The following ADGRA3 variants were observed in gnomAD, a reference collection of about 807,000 sequenced individuals.
The protein encoded by ADGRA3 is G-protein coupled receptor 125.
Under a neutral mutation model 119.8 loss-of-function variants are expected in ADGRA3, and 56 were observed. The observed-to-expected ratio is 0.47, with a 90% confidence interval of 0.38 to 0.58. The LOEUF (loss-of-function observed/expected upper bound fraction) is 0.58, where lower values mean the gene tolerates loss of function less well. ADGRA3 is among the 20% of genes least tolerant of loss of function. The probability of loss-of-function intolerance (pLI) is 0.00; values close to 1 mark genes in which losing one functional copy is unlikely to be tolerated. For missense variants in ADGRA3, 1,516 were observed against 1,649.0 expected (o/e 0.92, Z 1.40); for synonymous variants, 607 against 623.8 (o/e 0.97, Z 0.40).
rs777068108 is a variant in ADGRA3, at chr4:22,447,454, C to T, written c.531G>A (p.Ala177=). The change falls in exon 5 of 19, where the codon GCG becomes GCA. Residue 177 remains alanine, a synonymous_variant. Coordinates refer to ENST00000334304, the MANE Select transcript of ADGRA3 (RefSeq NM_145290.4). ...TTCTTACTTACAAAGACCGTAATGA[C>T]GCAAGATAATCAAAAGTTCCTTGAG... ...SLSQGTFDYL[A]SLRSLEFQTE... The T allele has an allele frequency of 1.3e-5, 20 of 1,560,408 alleles. No individual in the cohort carries two copies. The highest frequency in any genetic ancestry group is 4.6e-5 in the East Asian group (2 of 43,296).
intron 17 of ADGRA3, among the ~76,000 whole-genome samples, chr4:22,391,318 G>A (rs977218849): frequency 1.3e-5 from 2 of 151,776 alleles, no homozygotes; most frequent in South Asian, 2.1e-4. Context: ...TGTCTCCCCC[G>A]CCCACCTGCC....
intron 14 of ADGRA3, 152 bp from the exon 15 acceptor site, chr4:22,402,951 C>G (rs912118358): frequency 6.8e-6 from 5 of 732,228 alleles, no homozygotes; most frequent in Non-Finnish European, 1.1e-5. Flanking sequence ...CGCTATTTTC[C>G]TAACATGTTA....
intron 1 of ADGRA3, among the ~76,000 whole-genome samples, chr4:22,485,435 C>CA (rs1553880912): frequency 1.3e-5 from 2 of 149,908 alleles, no homozygotes; most frequent in African/African-American, 4.9e-5. Flanking sequence ...CCATTAGATG[C>CA]TTTTTTTTTT....
intron 14 of ADGRA3, among the ~76,000 whole-genome samples, chr4:22,412,520 G>A (rs1266049119): frequency 6.9e-6 from 1 of 144,676 alleles, no homozygotes; most frequent in Non-Finnish European, 1.5e-5. Context: ...TAGGAATGAT[G>A]AACTGGTAAG....
chr4:22,435,061 T>C (rs16872644), intron 10 of ADGRA3, among the ~76,000 whole-genome samples: 3,728 of 152,274 alleles, frequency 0.024, 85 homozygotes, highest in African/African-American at 0.057. Context: ...TACTGCTTTC[T>C]CACCAGCGAC....
intron 2 of ADGRA3, among the ~76,000 whole-genome samples, chr4:22,472,432 T>C (rs7671689): frequency 0.13 from 19,808 of 152,122 alleles, 1,392 homozygotes; most frequent in Middle Eastern, 0.22. Flanking sequence ...AAGGGTGTGA[T>C]CAGCATACAC....
chr4:22,423,337 T>C (rs947722510), intron 11 of ADGRA3, among the ~76,000 whole-genome samples: 10 of 151,912 alleles, frequency 6.6e-5, no homozygotes, highest in African/African-American at 1.9e-4. Flanking sequence ...TAAAACATGG[T>C]AACATCTAAA....
At chr4:22,425,422 T>C (rs1463771075) in intron 10 of ADGRA3, among the ~76,000 whole-genome samples, 1 of 152,196 alleles carries the variant, frequency 6.6e-6, no homozygotes, top group Non-Finnish European at 1.5e-5. Context: ...CAACTATTGT[T>C]TACTATAACT....
At chr4:22,482,543 T>C (rs972022776) in intron 1 of ADGRA3, among the ~76,000 whole-genome samples, 6 of 151,008 alleles carry the variant, frequency 4.0e-5, no homozygotes, top group African/African-American at 1.5e-4. Flanking sequence ...TGTGAGCATG[T>C]AGTCCTGGCT....
chr4:22,416,618 G>T (rs1045578246), intron 12 of ADGRA3, among the ~76,000 whole-genome samples: 1 of 152,150 alleles, frequency 6.6e-6, no homozygotes, highest in Non-Finnish European at 1.5e-5. Flanking sequence ...TGTTACTGCA[G>T]CACAGTGGAA....
chr4:22,403,301 A>C (rs182386225), intron 14 of ADGRA3, among the ~76,000 whole-genome samples: 8 of 152,260 alleles, frequency 5.3e-5, no homozygotes, highest in Admixed American at 1.3e-4. Flanking sequence ...CATTGGAGAC[A>C]TAACGGTAAG....
intron 17 of ADGRA3, among the ~76,000 whole-genome samples, chr4:22,389,740 CT>C (rs1438078093): frequency 6.6e-6 from 1 of 152,064 alleles, no homozygotes; most frequent in Non-Finnish European, 1.5e-5. Context: ...TACCTGACCC[CT>C]TTTCCAAAGA....
chr4:22,485,127 G>A (rs907733428), intron 1 of ADGRA3, among the ~76,000 whole-genome samples: 7 of 151,868 alleles, frequency 4.6e-5, no homozygotes, highest in South Asian at 2.1e-4. Context: ...TGTCACCCAC[G>A]CCGGCGTGAA....
intron 1 of ADGRA3, among the ~76,000 whole-genome samples, chr4:22,477,864 T>C (rs1047796504): frequency 5.9e-5 from 9 of 152,200 alleles, no homozygotes; most frequent in African/African-American, 2.2e-4. Context: ...TGAATAAATC[T>C]ACTCTGCAGA....
chr4:22,454,790 C>T, intron 4 of ADGRA3, 76 bp downstream of exon 4: 4 of 1,053,072 alleles, frequency 3.8e-6, no homozygotes, highest in South Asian at 2.6e-5. Context: ...TAATTAAATA[C>T]ATAAGTTTCA....
chr4:22,395,889 G>A (rs1044054838), intron 16 of ADGRA3, among the ~76,000 whole-genome samples: 1 of 152,166 alleles, frequency 6.6e-6, no homozygotes, highest in African/African-American at 2.4e-5. Flanking sequence ...TCACTGATCA[G>A]ATTTTTCCAA....
rs1342658773 is a variant in ADGRA3 at position 22,388,654 on chromosome 4, T to C, written c.3017A>G (p.Tyr1006Cys). The C allele has an allele frequency of 1.2e-6, 2 of 1,613,976 alleles. No individual in the cohort carries two copies. The highest frequency in any genetic ancestry group is 2.2e-5 in the East Asian group (1 of 44,848). The part of the protein sequence containing the change: ...LLGASLTLLL[Y>C]VALWMFGALA... ...AGCCCCAAACATCCACAGTGCAACA[T>C]ATAAGAGCAAAGTAAGGCTGGCCCC... The change falls in exon 19 of 19, where the codon TAT (tyrosine) becomes TGT (cysteine). Residue 1006 changes from tyrosine to cysteine, a missense_variant. By Grantham distance (194) the Tyr-to-Cys change is radical. This residue lies in a region of ADGRA3 where 1,088 missense variants were observed against 1,107.1 expected (regional missense o/e 0.98). Transcript: ENST00000334304.
At chr4:22,420,851 T>C (rs367863378) in intron 12 of ADGRA3, 35 bp downstream of exon 12, 1 of 1,577,866 alleles carries the variant, frequency 6.3e-7, no homozygotes, top group East Asian at 2.2e-5. Flanking sequence ...AATTTAACTG[T>C]AAATAGTCTT....
chr4:22,397,644 G>C lies in ADGRA3; in HGVS notation c.2481+3787C>G, dbSNP rs377441691. Among the ~76,000 whole-genome samples, 6 of 152,232 alleles carry C rather than the reference G, an allele frequency of 3.9e-5. No individual in the cohort carries two copies. The East Asian group carries it at 9.7e-4, about 25-fold the overall frequency. On this transcript the variant is annotated intron_variant, in intron 16 of 18. Coordinates refer to ENST00000334304, the MANE Select transcript of ADGRA3 (RefSeq NM_145290.4). ...CTATCTGTCATGGGAGGGACCCAGT[G>C]GGAGGTAACTGAATCATGAGGGTGG... is the stretch of plus-strand genomic sequence containing the variant.
Sources: gnomAD v4.1 joint callset for allele counts (sites outside exome capture counted in the v4.1 genomes callset) on GRCh38, gnomAD v4.1.1 for gene constraint, gnomAD v4.1.1 regional missense constraint, MANE v1.5 for transcripts, NCBI Gene and HGNC (gene_info 2026-07-23, HGNC 2026-07-21) for gene names.